TBC1D16: variants seen among roughly 807,000 people sequenced by gnomAD.
The protein encoded by TBC1D16 is CTD-2529O21.1.
A neutral mutation model predicts 74.7 loss-of-function variants in TBC1D16; 58 were observed. The ratio of observed to expected loss-of-function variants is 0.78; its 90% CI spans 0.63 to 0.97. The LOEUF is 0.97. Ranked by LOEUF, TBC1D16 falls within the 50% of genes least tolerant of loss-of-function variation. The pLI, the probability that TBC1D16 is intolerant of heterozygous loss-of-function variation, is 0.00. For missense variants in TBC1D16, 1,014 were observed against 1,079.5 expected (o/e 0.94, Z 0.85); for synonymous variants, 493 against 474.7 (o/e 1.04, Z -0.50).
chr17:80,007,603 G>A lies in TBC1D16; in HGVS notation c.779+2557C>T, dbSNP rs2035726517. 6.6e-6 allele frequency among the ~76,000 whole-genome samples: 1 copy of A among 152,184 alleles called. No homozygotes were observed. The highest frequency in any genetic ancestry group is 2.4e-5 in the African/African-American group (1 of 41,450). ...TGGGGAGGGCCCTCCTCAGCCCAGG[G>A]TTCGGGGGAATAGAGAAGCCTCCCC... On this transcript the variant is annotated intron_variant, in intron 3 of 11. Transcript: ENST00000310924. The surrounding 1 kb of genome is among the most constrained non-coding windows in gnomAD (Gnocchi z 4.5).
intron 3 of TBC1D16, among the ~76,000 whole-genome samples, chr17:79,995,998 G>A (rs1397075727): frequency 6.6e-6 from 1 of 152,150 alleles, no homozygotes; most frequent in Admixed American, 6.5e-5. Flanking sequence ...TCTAGCAAAG[G>A]ACTAGTTTCT....
intron 3 of TBC1D16, among the ~76,000 whole-genome samples, chr17:79,970,977 C>G (rs1212958025): frequency 1.3e-5 from 2 of 152,114 alleles, no homozygotes; most frequent in African/African-American, 4.8e-5. Flanking sequence ...TGGAAGTGAT[C>G]TCATATTGTA....
In TBC1D16 at chr17:79,937,280, C is replaced by T. The variant is rs1207094941; in HGVS notation, c.*3579G>A. On this transcript the variant is annotated 3_prime_UTR_variant, in exon 12 of 12. Transcript: ENST00000310924. ...GGCGGGCCTCACAGGAACGGAAGCA[C>T]CACCCCACCTCTATTCCCTGTGGCC... The T allele has an allele frequency of 6.5e-6, 1 of 152,692 alleles. No individual in the cohort carries two copies. Among genetic ancestry groups the T allele is most frequent in the Non-Finnish European group, 1.5e-5 (1 of 68,474 alleles). The allele number at this position is 152,692 out of a possible 1,614,324, so 9.5% of individuals were successfully genotyped here.
At position 79,980,506 on chromosome 17, in the gene TBC1D16, G is replaced by A. The variant is rs1021994564; in HGVS notation, c.780-27688C>T. Among the ~76,000 whole-genome samples, 7 of 152,148 alleles carry A rather than the reference G, an allele frequency of 4.6e-5. No individual in the cohort carries two copies. Among genetic ancestry groups the A allele is most frequent in the South Asian group, 2.1e-4 (1 of 4,826 alleles). On this transcript the variant is annotated intron_variant, in intron 3 of 11. Transcript: ENST00000310924. The surrounding 1 kb of genome is among the most constrained non-coding windows in gnomAD (Gnocchi z 7.0). The stretch of plus-strand genomic sequence containing the variant: ...TTGTCCAGAAAAAGACACAGAACCC[G>A]CAGGCCCTGGAGGACCCTGAAGATC...
At chr17:80,021,621 A>G (rs1338285996) in intron 1 of TBC1D16, among the ~76,000 whole-genome samples, 2 of 149,514 alleles carry the variant, frequency 1.3e-5, no homozygotes, top group Non-Finnish European at 2.9e-5. Flanking sequence ...CTACATACAC[A>G]CCATAGACAC....
chr17:79,947,930 C>T (rs1477134415), intron 8 of TBC1D16, 99 bp from the exon 9 acceptor site: 3 of 999,660 alleles, frequency 3.0e-6, no homozygotes, highest in Admixed American at 2.4e-5. Context: ...CCTTCCCTCG[C>T]TTGCCTTCAC....
At chr17:79,977,545 G>A (rs950285560) in intron 3 of TBC1D16, among the ~76,000 whole-genome samples, 6 of 152,260 alleles carry the variant, frequency 3.9e-5, no homozygotes, top group Non-Finnish European at 5.9e-5. Context: ...TGGGGGTGAC[G>A]GAGGAGAGAG....
At chr17:79,967,128 A>C (rs1268642540) in intron 3 of TBC1D16, among the ~76,000 whole-genome samples, 1 of 152,236 alleles carries the variant, frequency 6.6e-6, no homozygotes, top group Non-Finnish European at 1.5e-5. Flanking sequence ...TGAAAGACTA[A>C]AAGTTTTCCC....
At chr17:79,951,870 T>G in intron 4 of TBC1D16, 1 of 359,900 alleles carries the variant, frequency 2.8e-6, no homozygotes, top group East Asian at 5.2e-5. Context: ...CACCACCCCC[T>G]GCCCGGCAAC....
At chr17:80,033,889 T>C (rs567311893) in intron 1 of TBC1D16, among the ~76,000 whole-genome samples, 57 of 152,310 alleles carry the variant, frequency 3.7e-4, no homozygotes, top group Admixed American at 1.6e-3. Flanking sequence ...TATGAACCAC[T>C]TGGAAGAATG....
intron 3 of TBC1D16, among the ~76,000 whole-genome samples, chr17:80,006,207 G>T (rs1047440204): frequency 6.7e-6 from 1 of 148,810 alleles, no homozygotes; most frequent in African/African-American, 2.5e-5. Flanking sequence ...TCGCTCTCTC[G>T]CTCTCTTTCT....
chr17:79,940,782 G>A lies in TBC1D16; in HGVS notation c.*77C>T, dbSNP rs565318068. 122 of 1,418,128 alleles carry A rather than the reference G, an allele frequency of 8.6e-5. No homozygotes were observed. The highest frequency in any genetic ancestry group is 1.0e-4 in the Non-Finnish European group (112 of 1,075,610). The allele number at this position is 1,418,128 out of a possible 1,614,324, so 87.8% of individuals were successfully genotyped here. ...TTCTACCGTCCCCTGTCCCCTTCAC[G>A]CCCAGCCCCACCCCCTCCCGTGCCC... On this transcript the variant is annotated 3_prime_UTR_variant, in exon 12 of 12. Coordinates refer to ENST00000310924, the MANE Select transcript of TBC1D16 (RefSeq NM_019020.4). This position sits in a 1 kb window ranked among gnomAD's most constrained non-coding sequence, Gnocchi z 5.4.
At chr17:79,969,866 C>T (rs1054677155) in intron 3 of TBC1D16, among the ~76,000 whole-genome samples, 9 of 151,954 alleles carry the variant, frequency 5.9e-5, no homozygotes, top group African/African-American at 1.9e-4. Context: ...CGCTTGAACC[C>T]GGGAGGCGGA....
intron 3 of TBC1D16, among the ~76,000 whole-genome samples, chr17:79,963,165 C>T (rs1375803683): frequency 6.7e-6 from 1 of 150,068 alleles, no homozygotes; most frequent in Admixed American, 6.7e-5. Flanking sequence ...TGCTGTCAGC[C>T]GAGATTGTGC....
intron 3 of TBC1D16, among the ~76,000 whole-genome samples, chr17:79,962,921 G>A (rs2033679613): frequency 6.6e-6 from 1 of 152,096 alleles, no homozygotes; most frequent in African/African-American, 2.4e-5. Context: ...AATTAGCCAG[G>A]TGTGGTGGCA....
At chr17:80,029,278 A>C (rs2036693647) in intron 1 of TBC1D16, among the ~76,000 whole-genome samples, 1 of 152,172 alleles carries the variant, frequency 6.6e-6, no homozygotes. Context: ...GGGAAACCTC[A>C]GAAGCCCTAA....
intron 3 of TBC1D16, among the ~76,000 whole-genome samples, chr17:80,006,663 T>TC (rs1452563114): frequency 6.6e-6 from 1 of 150,570 alleles, no homozygotes; most frequent in African/African-American, 2.5e-5. Context: ...TTTCTTTCTT[T>TC]CTTTTTTTTT....
intron 3 of TBC1D16, among the ~76,000 whole-genome samples, chr17:79,995,121 G>A (rs903199288): frequency 2.0e-5 from 3 of 151,996 alleles, no homozygotes; most frequent in Non-Finnish European, 2.9e-5. Context: ...CCAACATGGT[G>A]AAACCCCATC....
chr17:80,009,570 C>T lies in TBC1D16; in HGVS notation c.779+590G>A, dbSNP rs963834080. Among the ~76,000 whole-genome samples the T allele has an allele frequency of 2.6e-5, 4 of 152,312 alleles. No homozygotes were observed. On this transcript the variant is annotated intron_variant, in intron 3 of 11. Coordinates refer to ENST00000310924, the MANE Select transcript of TBC1D16 (RefSeq NM_019020.4). This position sits in a 1 kb window ranked among gnomAD's most constrained non-coding sequence, Gnocchi z 5.4. ...CCAGGGTGCATAGCGGCTGCCAAGTCGGGTGAATATGGTCAACACTGCCCC... is the reference window on the plus strand; with the variant it reads ...CCAGGGTGCATAGCGGCTGCCAAGTTGGGTGAATATGGTCAACACTGCCCC...
Sources: gnomAD v4.1 joint callset for allele counts (sites outside exome capture counted in the v4.1 genomes callset) on GRCh38, gnomAD v4.1.1 for gene constraint, Gnocchi (gnomAD v3.1) non-coding constraint, MANE v1.5 for transcripts, NCBI Gene and HGNC (gene_info 2026-07-23, HGNC 2026-07-21) for gene names.